Variants in MYLK observed in about 807,000 individuals in gnomAD.
MYLK encodes the protein myosin light chain kinase, smooth muscle.
A neutral mutation model predicts 203.4 loss-of-function variants in MYLK; 106 were observed. The observed-to-expected ratio is 0.52, with a 90% CI of 0.45 to 0.61. The LOEUF is 0.61. MYLK is among the 20% of genes least tolerant of loss of function. The pLI is 0.00. For synonymous variants in MYLK, 867 were observed against 959.5 expected (o/e 0.90, Z 1.78); for missense variants, 2,072 against 2,442.3 (o/e 0.85, Z 3.20).
intron 2 of MYLK, among the ~76,000 whole-genome samples, chr3:123,867,752 C>T (rs1366722013): frequency 6.6e-6 from 1 of 152,198 alleles, no homozygotes; most frequent in East Asian, 1.9e-4. Context: ...TACTTTGTTA[C>T]ACAACCCAAA....
chr3:123,679,082 G>T (rs2060170602), intron 20 of MYLK, among the ~76,000 whole-genome samples: 1 of 152,124 alleles, frequency 6.6e-6, no homozygotes, highest in Non-Finnish European at 1.5e-5. Context: ...GCTGAGGCGG[G>T]CGGATCACGA....
At position 123,793,675 on chromosome 3, in the gene MYLK, A is replaced by G. The variant is rs775648148; in HGVS notation, c.165+2T>C. On this transcript the variant is annotated splice_donor_variant, in intron 4 of 33. Coordinates refer to ENST00000360304, the MANE Select transcript of MYLK (RefSeq NM_053025.4). LOFTEE classifies it high-confidence loss of function. ...GCCTCCCCATCCAGCCACACTTCTT[A>G]CCCGCCCTTCGAACTTGGCGGTGGC... The G allele has an allele frequency of 6.2e-7, 1 of 1,613,880 alleles. No homozygotes were observed. Among genetic ancestry groups the G allele is most frequent in the African/African-American group, 1.3e-5 (1 of 74,884 alleles).
At chr3:123,798,438 TA>T (rs1321693269) in intron 3 of MYLK, among the ~76,000 whole-genome samples, 2 of 152,136 alleles carry the variant, frequency 1.3e-5, no homozygotes, top group African/African-American at 4.8e-5. Context: ...GACTCTTCTC[TA>T]CCTTTGCTTT....
intron 20 of MYLK, among the ~76,000 whole-genome samples, chr3:123,680,096 A>G (rs1327432347): frequency 6.6e-6 from 1 of 152,242 alleles, no homozygotes; most frequent in Non-Finnish European, 1.5e-5. Flanking sequence ...AATGCTCCCC[A>G]GGTGAATATA....
At chr3:123,635,606 C>T (rs73857701) in intron 29 of MYLK, among the ~76,000 whole-genome samples, 1,809 of 152,318 alleles carry the variant, frequency 0.012, 41 homozygotes, top group African/African-American at 0.041. Context: ...TCCCCATTTC[C>T]AAAACTCTGC....
At chr3:123,740,092 G>C in intron 5 of MYLK, 91 bp from the exon 6 acceptor site, 1 of 1,256,224 alleles carries the variant, frequency 8.0e-7, no homozygotes, top group South Asian at 1.2e-5. Flanking sequence ...GGGTGGGATA[G>C]TGATGGTGAT....
chr3:123,690,661 T>C (rs1470710089), intron 19 of MYLK, among the ~76,000 whole-genome samples: 2 of 152,188 alleles, frequency 1.3e-5, no homozygotes, highest in Non-Finnish European at 2.9e-5. Context: ...AATATATCTG[T>C]AAGTATAGCA....
chr3:123,656,901 G>T (rs1451452997), intron 24 of MYLK, among the ~76,000 whole-genome samples: 3 of 152,174 alleles, frequency 2.0e-5, no homozygotes, highest in Non-Finnish European at 4.4e-5. Context: ...GTGGCAGCAT[G>T]CCAAAATTGC....
chr3:123,732,415 A>C (rs974497801), intron 11 of MYLK, among the ~76,000 whole-genome samples: 3 of 152,240 alleles, frequency 2.0e-5, no homozygotes, highest in African/African-American at 7.2e-5. Context: ...GTTTGTATAA[A>C]AAACATTAAA....
chr3:123,852,593 T>C (rs1180429754), intron 2 of MYLK, among the ~76,000 whole-genome samples: 1 of 152,200 alleles, frequency 6.6e-6, no homozygotes, highest in East Asian at 1.9e-4. Flanking sequence ...TATCATTTTT[T>C]ATTGTGTCTA....
chr3:123,880,733 G>A (rs2033477064), intron 1 of MYLK, among the ~76,000 whole-genome samples: 1 of 152,168 alleles, frequency 6.6e-6, no homozygotes, highest in Non-Finnish European at 1.5e-5. Flanking sequence ...CTGAAGTACA[G>A]TGAGCAGGAG....
At chr3:123,802,654 T>C (rs747482383) in intron 3 of MYLK, among the ~76,000 whole-genome samples, 9 of 152,194 alleles carry the variant, frequency 5.9e-5, no homozygotes, top group Non-Finnish European at 1.0e-4. Flanking sequence ...TCACGCACAG[T>C]GTGAAGGAGC....
chr3:123,739,846 G>T, intron 6 of MYLK, 107 bp downstream of exon 6: 1 of 1,226,416 alleles, frequency 8.2e-7, no homozygotes, highest in Non-Finnish European at 1.2e-6. Flanking sequence ...CCCGCCCTTT[G>T]GTTATTATAA....
intron 6 of MYLK, among the ~76,000 whole-genome samples, chr3:123,739,530 T>C (rs1368658914): frequency 1.3e-5 from 2 of 152,244 alleles, no homozygotes; most frequent in African/African-American, 2.4e-5. Context: ...GAAGATAATG[T>C]GGAAGGCTCT....
chr3:123,720,491 G>A (rs983436813), intron 13 of MYLK, among the ~76,000 whole-genome samples: 5 of 152,162 alleles, frequency 3.3e-5, no homozygotes, highest in African/African-American at 1.2e-4. Flanking sequence ...TGACTCTGGG[G>A]TTGGCCACGC....
In MYLK at chr3:123,735,643, C is replaced by G. The variant is rs77850185; in HGVS notation, c.755-227G>C. 3.4e-3 allele frequency: 1,871 copies of G among 543,328 alleles called. 28 individuals are homozygous for G. In the East Asian group the frequency reaches 0.037, roughly 11 times the overall value. 33.7% of individuals were successfully genotyped at this position (543,328 alleles called of 1,614,324 possible). ...CTTAATAGTGGCTGGTGCTACCATA[C>G]CCTGAGGGCATGGAATCTGTTTCTG... is the stretch of plus-strand genomic sequence containing the variant. On this transcript the variant is annotated intron_variant, in intron 8 of 33. Transcript: ENST00000360304.
chr3:123,869,051 G>C (rs2032549175), intron 2 of MYLK, among the ~76,000 whole-genome samples: 1 of 152,120 alleles, frequency 6.6e-6, no homozygotes, highest in African/African-American at 2.4e-5. Flanking sequence ...TCCAGTAAAA[G>C]CCTTGGTCTG....
intron 3 of MYLK, among the ~76,000 whole-genome samples, chr3:123,807,985 A>G (rs1422342178): frequency 6.6e-6 from 1 of 152,194 alleles, no homozygotes. Context: ...CTCCCCAGAC[A>G]GCCTCCAGCT....
chr3:123,645,196 C>T (rs919596274), intron 27 of MYLK, among the ~76,000 whole-genome samples: 2 of 152,270 alleles, frequency 1.3e-5, no homozygotes, highest in East Asian at 1.9e-4. Flanking sequence ...AGGTGGGTGT[C>T]GTATCTACAT....
Sources: gnomAD v4.1 joint callset for allele counts (sites outside exome capture counted in the v4.1 genomes callset) on GRCh38, gnomAD v4.1.1 for gene constraint, MANE v1.5 for transcripts, NCBI Gene and HGNC (gene_info 2026-07-23, HGNC 2026-07-21) for gene names.